The following DGKB variants were observed in gnomAD, a reference collection of about 807,000 sequenced individuals.
DGKB encodes diacylglycerol kinase beta, also known as 90 kDa diacylglycerol kinase.
Under a neutral mutation model 114.3 loss-of-function variants are expected in DGKB, and 67 were observed. The ratio of observed to expected loss-of-function variants is 0.59; its 90% CI spans 0.48 to 0.72. DGKB has a LOEUF of 0.72. DGKB is among the 30% of genes least tolerant of loss of function. The pLI is 0.00. For missense variants in DGKB, 907 were observed against 975.2 expected, an observed-to-expected ratio of 0.93 and a Z score of 0.93; for synonymous variants, 398 against 323.1, an observed-to-expected ratio of 1.23 and a Z score of -2.49.
chr7:14,898,018 G>T (rs964103946), intron 1 of DGKB, among the ~76,000 whole-genome samples: 1 of 151,942 alleles, frequency 6.6e-6, no homozygotes, highest in African/African-American at 2.4e-5. Flanking sequence ...GTAAAAAACA[G>T]ATTATTTCAA....
intron 21 of DGKB, among the ~76,000 whole-genome samples, chr7:14,384,979 G>A (rs998300531): frequency 6.6e-6 from 1 of 152,126 alleles, no homozygotes; most frequent in Middle Eastern, 3.4e-3. Flanking sequence ...ATAACAAAAA[G>A]GAGGAATTAC....
At chr7:14,786,164 G>A (rs982114565) in intron 2 of DGKB, among the ~76,000 whole-genome samples, 11 of 144,014 alleles carry the variant, frequency 7.6e-5, no homozygotes, top group Middle Eastern at 3.6e-3. Flanking sequence ...ACACACACAC[G>A]CACACAGCCT....
chr7:14,965,727 C>A (rs1306647816), intron 1 of DGKB, among the ~76,000 whole-genome samples: 1 of 151,910 alleles, frequency 6.6e-6, no homozygotes, highest in Non-Finnish European at 1.5e-5. Flanking sequence ...TTACACTGGC[C>A]TGACATCAAA....
chr7:14,300,399 A>G (rs1803323474), intron 23 of DGKB, among the ~76,000 whole-genome samples: 1 of 152,254 alleles, frequency 6.6e-6, no homozygotes, highest in East Asian at 1.9e-4. Flanking sequence ...GAACAACCAG[A>G]CTTTTCTTAA....
At chr7:14,760,039 T>C (rs1835455442) in intron 2 of DGKB, among the ~76,000 whole-genome samples, 1 of 152,236 alleles carries the variant, frequency 6.6e-6, no homozygotes, top group Non-Finnish European at 1.5e-5. Flanking sequence ...ATATGCCTAT[T>C]GGTCGTTTGT....
At chr7:14,970,064 T>C (rs550478909) in intron 1 of DGKB, among the ~76,000 whole-genome samples, 1 of 152,164 alleles carries the variant, frequency 6.6e-6, no homozygotes, top group Non-Finnish European at 1.5e-5. Flanking sequence ...AAGTGAAAAT[T>C]TATGGGATCA....
At chr7:14,594,225 T>G (rs1197871519) in intron 17 of DGKB, among the ~76,000 whole-genome samples, 1 of 152,122 alleles carries the variant, frequency 6.6e-6, no homozygotes, top group Non-Finnish European at 1.5e-5. Context: ...TTAATTGAAC[T>G]TAGTATTTTC....
intron 23 of DGKB, among the ~76,000 whole-genome samples, chr7:14,309,734 A>C (rs770743121): frequency 9.2e-5 from 14 of 152,056 alleles, no homozygotes; most frequent in Non-Finnish European, 1.8e-4. Flanking sequence ...TACTCTCATC[A>C]CTCCCTCTGA....
At chr7:14,575,586 C>T (rs1286338982) in intron 19 of DGKB, among the ~76,000 whole-genome samples, 3 of 152,078 alleles carry the variant, frequency 2.0e-5, no homozygotes, top group Non-Finnish European at 4.4e-5. Flanking sequence ...AAAAAGTTCT[C>T]AGTACATGAG....
At chr7:14,540,878 T>G (rs931623117) in intron 20 of DGKB, among the ~76,000 whole-genome samples, 1 of 152,176 alleles carries the variant, frequency 6.6e-6, no homozygotes, top group African/African-American at 2.4e-5. Context: ...CAACACTGTC[T>G]TCTTTTTAGC....
intron 20 of DGKB, among the ~76,000 whole-genome samples, chr7:14,482,496 TGAATATTAACTCAAG>T (rs1477115539): frequency 1.3e-5 from 2 of 152,076 alleles, no homozygotes; most frequent in Non-Finnish European, 2.9e-5. Context: ...CTAGTACATA[TGAATATTAACTCAAG>T]GAAAGATAAA....
At chr7:14,341,162 G>T (rs1811544848) in intron 22 of DGKB, among the ~76,000 whole-genome samples, 1 of 151,804 alleles carries the variant, frequency 6.6e-6, no homozygotes, top group Admixed American at 6.6e-5. Context: ...CAGTCGCAAA[G>T]AACAAGGACT....
chr7:14,374,015 T>G (rs1434338310), intron 21 of DGKB, among the ~76,000 whole-genome samples: 1 of 152,134 alleles, frequency 6.6e-6, no homozygotes, highest in African/African-American at 2.4e-5. Flanking sequence ...CTGAAAGATC[T>G]AAGACAGTCA....
intron 1 of DGKB, among the ~76,000 whole-genome samples, chr7:14,961,488 A>T (rs560212416): frequency 3.3e-5 from 5 of 152,254 alleles, no homozygotes; most frequent in African/African-American, 1.2e-4. Flanking sequence ...TGTGGCAGTC[A>T]GGGCCATGCC....
chr7:14,648,963 T>C (rs370336092), intron 13 of DGKB, among the ~76,000 whole-genome samples: 1 of 87,960 alleles, frequency 1.1e-5, no homozygotes, highest in Non-Finnish European at 2.4e-5. Context: ...TAAAAAGAAA[T>C]GAGCAAAGCC....
intron 20 of DGKB, among the ~76,000 whole-genome samples, chr7:14,545,075 C>T (rs1274169701): frequency 1.3e-5 from 2 of 151,950 alleles, no homozygotes; most frequent in Non-Finnish European, 2.9e-5. Context: ...CTTCAGCCTC[C>T]CTTTTTATGT....
chr7:14,502,166 A>T (rs923328843), intron 20 of DGKB, among the ~76,000 whole-genome samples: 5 of 151,988 alleles, frequency 3.3e-5, no homozygotes, highest in Non-Finnish European at 7.4e-5. Context: ...CTAGGCATTG[A>T]AGCTTTCACC....
chr7:14,458,806 G>A (rs908251276), intron 21 of DGKB, among the ~76,000 whole-genome samples: 23 of 152,150 alleles, frequency 1.5e-4, no homozygotes, highest in African/African-American at 5.1e-4. Flanking sequence ...CTAGCTGCAG[G>A]ATTTGTTTTC....
At chr7:14,266,851 G>A (rs950790791) in intron 23 of DGKB, among the ~76,000 whole-genome samples, 2 of 152,076 alleles carry the variant, frequency 1.3e-5, no homozygotes, top group African/African-American at 4.8e-5. Context: ...CAATTTCTTT[G>A]ATATTAATGA....
Sources: allele counts gnomAD v4.1 joint callset (sites outside exome capture counted in the v4.1 genomes callset), GRCh38; gene constraint gnomAD v4.1.1; transcripts MANE v1.5; gene names NCBI Gene and HGNC (gene_info 2026-07-23, HGNC 2026-07-21).